Variants in DCLK1 observed in about 807,000 individuals in gnomAD.
DCLK1 encodes doublecortin like kinase 1.
Under a neutral mutation model 86.2 loss-of-function variants are expected in DCLK1, and 16 were observed. The observed-to-expected ratio is 0.19, with a 90% CI of 0.13 to 0.28. DCLK1 has a LOEUF of 0.28. DCLK1 is among the 10% of genes least tolerant of loss of function. DCLK1 has a pLI of 1.00. For synonymous variants in DCLK1, 369 were observed against 370.5 expected (o/e 1.00, Z 0.05); for missense variants, 590 against 940.2 (o/e 0.63, Z 4.87).
intron 3 of DCLK1, among the ~76,000 whole-genome samples, chr13:35,998,660 C>T (rs1056969098): frequency 2.0e-5 from 3 of 151,976 alleles, no homozygotes; most frequent in Non-Finnish European, 4.4e-5. Flanking sequence ...CACTATCATG[C>T]GCACTGCAGA....
intron 3 of DCLK1, among the ~76,000 whole-genome samples, chr13:36,073,540 G>T (rs1047524044): frequency 6.6e-6 from 1 of 152,100 alleles, no homozygotes; most frequent in Non-Finnish European, 1.5e-5. Context: ...GGTATCTGAA[G>T]ATATCTGACA....
chr13:36,091,841 T>C (rs1380670171), intron 3 of DCLK1, among the ~76,000 whole-genome samples: 4 of 152,190 alleles, frequency 2.6e-5, no homozygotes, highest in African/African-American at 9.6e-5. Flanking sequence ...ATTTTCTAAC[T>C]ACTTTTTCAC....
At chr13:35,915,224 C>T (rs1158398253) in intron 4 of DCLK1, among the ~76,000 whole-genome samples, 2 of 152,122 alleles carry the variant, frequency 1.3e-5, no homozygotes, top group Non-Finnish European at 2.9e-5. Flanking sequence ...TTTTCAGAGT[C>T]ACAGAAACTC....
chr13:36,117,564 T>A (rs536365620), intron 2 of DCLK1, among the ~76,000 whole-genome samples: 1 of 152,180 alleles, frequency 6.6e-6, no homozygotes, highest in African/African-American at 2.4e-5. Flanking sequence ...AAAAGTAACA[T>A]GGAAAACTAC....
At chr13:35,787,657 C>G (rs910398461) in intron 16 of DCLK1, among the ~76,000 whole-genome samples, 1 of 152,002 alleles carries the variant, frequency 6.6e-6, no homozygotes, top group Non-Finnish European at 1.5e-5. Flanking sequence ...AACAATAAAA[C>G]AAAAACAAAA....
At chr13:35,870,430 A>C (rs961259450) in intron 5 of DCLK1, among the ~76,000 whole-genome samples, 3 of 152,006 alleles carry the variant, frequency 2.0e-5, no homozygotes, top group Non-Finnish European at 4.4e-5. Flanking sequence ...TGTTGAGTAA[A>C]AGAAGGCCCC....
intron 4 of DCLK1, among the ~76,000 whole-genome samples, chr13:35,887,350 G>A (rs1329169521): frequency 6.6e-6 from 1 of 152,134 alleles, no homozygotes; most frequent in African/African-American, 2.4e-5. Flanking sequence ...GCTCCAGTGG[G>A]TCTTTAAGTA....
At chr13:36,030,463 ATTTTTT>A (rs139224506) in intron 3 of DCLK1, among the ~76,000 whole-genome samples, 3 of 120,060 alleles carry the variant, frequency 2.5e-5, no homozygotes, top group Non-Finnish European at 3.4e-5. Flanking sequence ...CACCTGGCTA[ATTTTTT>A]TTTTTTTTTT....
chr13:36,039,575 T>G (rs1251106105), intron 3 of DCLK1, among the ~76,000 whole-genome samples: 1 of 152,130 alleles, frequency 6.6e-6, no homozygotes, highest in Non-Finnish European at 1.5e-5. Flanking sequence ...TTTCTGTCAA[T>G]TTTCTTGGTA....
At chr13:35,871,185 A>T (rs1872249944) in intron 5 of DCLK1, 39 bp downstream of exon 5, 11 of 1,553,406 alleles carry the variant, frequency 7.1e-6, no homozygotes, top group Non-Finnish European at 9.8e-6. Context: ...CTGTGTCAGG[A>T]ACAAGGCAAT....
chr13:35,843,069 G>A (rs1394548510), intron 6 of DCLK1, among the ~76,000 whole-genome samples: 2 of 152,138 alleles, frequency 1.3e-5, no homozygotes, highest in Non-Finnish European at 2.9e-5. Flanking sequence ...TACAACCAAC[G>A]GATGCTGAAA....
chr13:35,979,225 A>G (rs2153141226), intron 3 of DCLK1, among the ~76,000 whole-genome samples: 1 of 152,348 alleles, frequency 6.6e-6, no homozygotes, highest in African/African-American at 2.4e-5. Flanking sequence ...AGGGCTGTCA[A>G]CGAAGTGCCA....
chr13:35,929,008 C>A (rs561875858), intron 4 of DCLK1, among the ~76,000 whole-genome samples: 34 of 152,272 alleles, frequency 2.2e-4, no homozygotes, highest in African/African-American at 8.2e-4. Context: ...CAGCTCACTG[C>A]AAGCTCCGCC....
intron 16 of DCLK1, among the ~76,000 whole-genome samples, chr13:35,776,642 A>C (rs1335392420): frequency 6.6e-6 from 1 of 152,206 alleles, no homozygotes; most frequent in Non-Finnish European, 1.5e-5. Flanking sequence ...AATGCTTTCT[A>C]AACAGCCAAG....
intron 4 of DCLK1, among the ~76,000 whole-genome samples, chr13:35,907,527 G>T (rs2153123832): frequency 6.6e-6 from 1 of 152,250 alleles, no homozygotes; most frequent in South Asian, 2.1e-4. Flanking sequence ...GCCCACCTCA[G>T]TCTGTGTGTA....
At chr13:35,862,830 G>A (rs951137924) in intron 5 of DCLK1, among the ~76,000 whole-genome samples, 1 of 152,080 alleles carries the variant, frequency 6.6e-6, no homozygotes, top group South Asian at 2.1e-4. Flanking sequence ...AGAGCTTTCT[G>A]ACCCTATTAA....
At chr13:35,883,784 C>A (rs1021007870) in intron 4 of DCLK1, among the ~76,000 whole-genome samples, 1 of 152,108 alleles carries the variant, frequency 6.6e-6, no homozygotes, top group African/African-American at 2.4e-5. Context: ...ATAGAGTTCG[C>A]AAAGCTTGAG....
chr13:35,934,294 G>A (rs1876631765), intron 4 of DCLK1, among the ~76,000 whole-genome samples: 1 of 152,038 alleles, frequency 6.6e-6, no homozygotes, highest in Non-Finnish European at 1.5e-5. Flanking sequence ...CCACATTTTT[G>A]GGTATCTTCT....
chr13:36,007,112 C>G (rs1881013027), intron 3 of DCLK1, among the ~76,000 whole-genome samples: 1 of 152,182 alleles, frequency 6.6e-6, no homozygotes, highest in South Asian at 2.1e-4. Flanking sequence ...CATTGGTCAA[C>G]TCAGCAGCAT....
Sources: gnomAD v4.1 joint callset for allele counts (sites outside exome capture counted in the v4.1 genomes callset) on GRCh38, gnomAD v4.1.1 for gene constraint, MANE v1.5 for transcripts, NCBI Gene and HGNC (gene_info 2026-07-23, HGNC 2026-07-21) for gene names.